ETS1: variants seen among roughly 807,000 people sequenced by gnomAD.
ETS1 encodes the protein protein C-ets-1.
A neutral mutation model predicts 58.6 loss-of-function variants in ETS1; 15 were observed. That is an observed-to-expected ratio of 0.26 (90% CI 0.17 to 0.39). The LOEUF is 0.39. Among genes scored for constraint, ETS1 ranks in the 10% least tolerant of loss-of-function variants. The pLI is 1.00. For missense variants in ETS1, 417 were observed against 610.5 expected, an observed-to-expected ratio of 0.68 and a Z score of 3.34; for synonymous variants, 214 against 218.2, an observed-to-expected ratio of 0.98 and a Z score of 0.17.
chr11:128,503,392 C>T (rs1453108510), intron 3 of ETS1, among the ~76,000 whole-genome samples: 1 of 152,172 alleles, frequency 6.6e-6, no homozygotes, highest in African/African-American at 2.4e-5. Context: ...GCCCCACATG[C>T]TCTTCATCAA....
intron 3 of ETS1, among the ~76,000 whole-genome samples, chr11:128,521,731 GTCCTCCTCCTCCTCC>G (rs760101577): frequency 6.6e-6 from 1 of 151,552 alleles, no homozygotes; most frequent in Non-Finnish European, 1.5e-5. Context: ...GCCACCAACA[GTCCTCCTCCTCCTCC>G]TCCTCCTCCT....
At chr11:128,477,969 G>A (rs1862369250) in intron 8 of ETS1, among the ~76,000 whole-genome samples, 1 of 151,930 alleles carries the variant, frequency 6.6e-6, no homozygotes, top group Non-Finnish European at 1.5e-5. Flanking sequence ...GTAGAAAAGG[G>A]TACAAGGTAA....
intron 8 of ETS1, among the ~76,000 whole-genome samples, chr11:128,467,201 C>T (rs1862062557): frequency 6.6e-6 from 1 of 152,218 alleles, no homozygotes; most frequent in African/African-American, 2.4e-5. Flanking sequence ...TGGTCTAATA[C>T]AGGAGCCTGT....
chr11:128,556,828 C>T (rs532908504), intron 2 of ETS1, among the ~76,000 whole-genome samples: 2 of 152,160 alleles, frequency 1.3e-5, no homozygotes, highest in South Asian at 4.2e-4. Flanking sequence ...AGGCTTACTC[C>T]ACAATCATAC....
chr11:128,526,979 T>C (rs955952552), intron 3 of ETS1: 1 of 455,972 alleles, frequency 2.2e-6, no homozygotes, highest in African/African-American at 2.0e-5. Flanking sequence ...CCAGATGCCC[T>C]GATAGCAGTT....
intron 3 of ETS1, among the ~76,000 whole-genome samples, chr11:128,543,148 G>A (rs1333769496): frequency 4.7e-5 from 7 of 150,398 alleles, no homozygotes; most frequent in Admixed American, 2.0e-4. Context: ...AGCCCAGATC[G>A]TGCCATTGCA....
At chr11:128,485,947 C>T (rs1172080887) in intron 6 of ETS1, 122 bp downstream of exon 6, 4 of 657,698 alleles carry the variant, frequency 6.1e-6, no homozygotes, top group Non-Finnish European at 1.1e-5. Flanking sequence ...AAAGAAGAGT[C>T]TACATCTAAG....
chr11:128,573,291 A>G, intron 1 of ETS1, 147 bp from the exon 2 acceptor site: 3 of 624,072 alleles, frequency 4.8e-6, no homozygotes, highest in Non-Finnish European at 8.6e-6. Context: ...AGCAATGGAA[A>G]TTCAGAAAGA....
intron 2 of ETS1, among the ~76,000 whole-genome samples, chr11:128,569,318 C>CTTTTTTTTTTTTTT (rs398018017): frequency 0.086 from 3,373 of 39,364 alleles, 1,183 homozygotes; most frequent in East Asian, 0.12. Flanking sequence ...AGAGTTTCTT[C>CTTTTTTTTTTTTTT]TTTTTTTTTT....
chr11:128,476,814 GT>G (rs1481158092), intron 8 of ETS1, among the ~76,000 whole-genome samples: 1 of 152,234 alleles, frequency 6.6e-6, no homozygotes, highest in African/African-American at 2.4e-5. Context: ...ACCGTAAACA[GT>G]TCACAGTAAG....
chr11:128,531,511 T>A (rs1275081820), intron 3 of ETS1, among the ~76,000 whole-genome samples: 1 of 152,248 alleles, frequency 6.6e-6, no homozygotes, highest in Non-Finnish European at 1.5e-5. Context: ...CCTATCTTCA[T>A]GTGCGCTGTT....
In ETS1 at chr11:128,480,470, G is replaced by A; in HGVS notation, c.863-19C>T. ...AGTTTACCTGGAGGTAAAGGAGGAG[G>A]TAGGAAGAGGACAGGGGGAGGAGGG... On this transcript the variant is annotated intron_variant, in intron 7 of 9. Transcript: ENST00000392668. 6.3e-7 allele frequency: 1 copy of A among 1,589,260 alleles called. No individual in the cohort carries two copies. Among genetic ancestry groups the A allele is most frequent in the Non-Finnish European group, 8.6e-7 (1 of 1,157,856 alleles).
chr11:128,480,193 G>A lies in ETS1; in HGVS notation c.1121C>T (p.Thr374Ile), dbSNP rs1862443035. The A allele has an allele frequency of 6.2e-7, 1 of 1,613,834 alleles. No individual in the cohort carries two copies. The highest frequency in any genetic ancestry group is 8.5e-7 in the Non-Finnish European group (1 of 1,179,960). The change falls in exon 8 of 10, where the codon ACA becomes ATA. Residue 374 changes from threonine to isoleucine, a missense_variant and splice_region_variant. This residue lies in a region of ETS1 where 56 missense variants were observed against 156.1 expected (regional missense o/e 0.36). Coordinates refer to ENST00000392668, the MANE Select transcript of ETS1 (RefSeq NM_001143820.2). Reference sequence around the variant, plus strand: ...CTAAGCAGCGGGAGGGCGCCTACCTGTGTAGCCAGCTAGGGCAGCAGCAGG... The same window carrying A: ...CTAAGCAGCGGGAGGGCGCCTACCTATGTAGCCAGCTAGGGCAGCAGCAGG... Reference protein sequence around the residue: ...VIPAAALAGYTGSGPIQLWQF... With the variant: ...VIPAAALAGYIGSGPIQLWQF...
intron 3 of ETS1, among the ~76,000 whole-genome samples, chr11:128,545,722 A>G (rs914761432): frequency 6.6e-6 from 1 of 152,218 alleles, no homozygotes; most frequent in Non-Finnish European, 1.5e-5. Flanking sequence ...TTAATTTACA[A>G]TTGATCAGTT....
chr11:128,574,793 T>C (rs1864709191), intron 1 of ETS1, among the ~76,000 whole-genome samples: 1 of 152,220 alleles, frequency 6.6e-6, no homozygotes, highest in Non-Finnish European at 1.5e-5. Context: ...TCAAACCATA[T>C]ATCCCACTTC....
At chr11:128,483,429 A>G (rs1288169802) in intron 7 of ETS1, among the ~76,000 whole-genome samples, 5 of 151,746 alleles carry the variant, frequency 3.3e-5, no homozygotes, top group African/African-American at 1.2e-4. Flanking sequence ...AAAGTCCCAC[A>G]AGGAAGAAAG....
Position 128,463,712 on chromosome 11 carries a change from C to T in ETS1, c.1124-85G>A, listed in dbSNP as rs911877241. The T allele has an allele frequency of 1.3e-6, 1 of 764,854 alleles. No homozygotes were observed. Among genetic ancestry groups the T allele is most frequent in the Non-Finnish European group, 2.4e-6 (1 of 424,868 alleles). The allele number at this position is 764,854 out of a possible 1,614,324, so 47.4% of individuals were successfully genotyped here. A position where few individuals can be genotyped will look rare whatever the true frequency, so the allele number is the denominator to read the frequency against. ...TCCCCACACACGGCACTCCCACATC[C>T]CTCTTCTCTCAGCCCATCCAGCCAG... On this transcript the variant is annotated intron_variant, in intron 8 of 9. Coordinates refer to ENST00000392668, the MANE Select transcript of ETS1 (RefSeq NM_001143820.2). This position sits in a 1 kb window ranked among gnomAD's most constrained non-coding sequence, Gnocchi z 4.1.
At chr11:128,521,794 T>G in intron 3 of ETS1, 3 of 723,634 alleles carry the variant, frequency 4.1e-6, no homozygotes, top group African/African-American at 3.7e-5. Context: ...GCCAACAGCA[T>G]CCCCCGCTCC....
At chr11:128,471,736 CA>C (rs1482814776) in intron 8 of ETS1, among the ~76,000 whole-genome samples, 2 of 152,056 alleles carry the variant, frequency 1.3e-5, no homozygotes, top group Non-Finnish European at 2.9e-5. Flanking sequence ...TATAAATGTA[CA>C]AAGAAAAATC....
Sources: gnomAD v4.1 joint callset for allele counts (sites outside exome capture counted in the v4.1 genomes callset) on GRCh38, gnomAD v4.1.1 for gene constraint, gnomAD v4.1.1 regional missense constraint, Gnocchi (gnomAD v3.1) non-coding constraint, MANE v1.5 for transcripts, NCBI Gene and HGNC (gene_info 2026-07-23, HGNC 2026-07-21) for gene names.